PDXDC1: variants seen among roughly 807,000 people sequenced by gnomAD.
The protein encoded by PDXDC1 is pyridoxal dependent decarboxylase domain containing 1, also known as pyridoxal-dependent decarboxylase domain-containing protein 1.
PDXDC1 carries 42 observed loss-of-function variants against 100.1 expected under a neutral mutation model. That is an observed-to-expected ratio of 0.42 (90% CI 0.33 to 0.54). The LOEUF (loss-of-function observed/expected upper bound fraction) is 0.54. Among genes scored for constraint, PDXDC1 ranks in the 20% least tolerant of loss-of-function variants. The probability of loss-of-function intolerance (pLI) is 0.10; values close to 1 mark genes in which losing one functional copy is unlikely to be tolerated. For synonymous variants in PDXDC1, 260 were observed against 371.7 expected (o/e 0.70, Z 3.46); for missense variants, 636 against 979.2 (o/e 0.65, Z 4.68).
intron 1 of PDXDC1, among the ~76,000 whole-genome samples, chr16:14,991,354 G>C (rs1292328734): frequency 6.6e-6 from 1 of 152,138 alleles, no homozygotes; most frequent in African/African-American, 2.4e-5. Context: ...CTGGAGTGCA[G>C]TGGTGTGATC....
At chr16:15,062,695 A>G (rs1165509573) in intron 16 of PDXDC1, among the ~76,000 whole-genome samples, 3 of 152,254 alleles carry the variant, frequency 2.0e-5, no homozygotes, top group African/African-American at 4.8e-5. Flanking sequence ...CGCAAGTGGC[A>G]AAGATCTAAA....
intron 16 of PDXDC1, chr16:15,093,940 G>C (rs552666408): frequency 8.3e-6 from 5 of 598,956 alleles, no homozygotes; most frequent in African/African-American, 7.6e-5. Flanking sequence ...CCAGAACAGA[G>C]AACATAGTCA....
chr16:15,061,476 A>C, intron 16 of PDXDC1: 1 of 384,840 alleles, frequency 2.6e-6, no homozygotes. Context: ...TGTACATATT[A>C]AACAAGCAAA....
intron 8 of PDXDC1, among the ~76,000 whole-genome samples, chr16:15,011,074 G>T (rs1462190129): frequency 1.1e-4 from 16 of 152,282 alleles, no homozygotes; most frequent in Non-Finnish European, 2.2e-4. Context: ...AGAACTTGAT[G>T]AGCTAATTCT....
At chr16:15,076,540 C>A in intron 16 of PDXDC1, 1 of 1,531,658 alleles carries the variant, frequency 6.5e-7, no homozygotes, top group Non-Finnish European at 9.1e-7. Context: ...TCTCCACTTT[C>A]ATTAATAAAC....
At chr16:14,985,170 T>A (rs1163070849) in intron 1 of PDXDC1, among the ~76,000 whole-genome samples, 2 of 151,336 alleles carry the variant, frequency 1.3e-5, no homozygotes, top group East Asian at 4.0e-4. Flanking sequence ...AGCCACTGCC[T>A]AAGATGAAAA....
intron 1 of PDXDC1, chr16:14,996,418 ATATTATATG>A (rs56381611): frequency 0.11 from 38,902 of 370,166 alleles, 268 homozygotes; most frequent in Middle Eastern, 0.19. Context: ...CTTATATATG[ATATTATATG>A]TATTATATGT....
At chr16:14,988,156 C>CA (rs1969849562) in intron 1 of PDXDC1, 2 of 1,536,606 alleles carry the variant, frequency 1.3e-6, no homozygotes, top group Non-Finnish European at 1.8e-6. Flanking sequence ...CAACAAGGCA[C>CA]AAAGGGCGGG....
rs113437125 is a variant in PDXDC1 at position 15,086,016 on chromosome 16, T to C, written c.1400-52863T>C. 186 of 740,258 alleles carry C rather than the reference T, an allele frequency of 2.5e-4. 2 individuals are homozygous for C. In the African/African-American group the frequency reaches 3.0e-3, roughly 12 times the overall value. The allele number at this position is 740,258 out of a possible 1,614,324, so 45.9% of individuals were successfully genotyped here. A position where few individuals can be genotyped will look rare whatever the true frequency, so the allele number is the denominator to read the frequency against. On this transcript the variant is annotated intron_variant, in intron 16 of 16. Transcript: ENST00000535621. The stretch of plus-strand genomic sequence containing the variant: ...GGGAATATATGTCTACCAGACCTGG[T>C]GCCAATATGCATCTGGAATCTTCCA...
intron 8 of PDXDC1, among the ~76,000 whole-genome samples, chr16:15,012,853 A>G (rs1207917027): frequency 6.5e-4 from 1 of 1,542 alleles, no homozygotes; most frequent in African/African-American, 8.7e-4. Flanking sequence ...TCCTTTCTTA[A>G]AAAAAAAAAA....
chr16:15,005,107 C>A (rs1973971094), intron 5 of PDXDC1, among the ~76,000 whole-genome samples: 1 of 152,192 alleles, frequency 6.6e-6, no homozygotes, highest in African/African-American at 2.4e-5. Context: ...GCCTGTAATC[C>A]CAGCACTTTG....
chr16:14,977,841 C>T (rs60683883), intron 1 of PDXDC1, among the ~76,000 whole-genome samples: 34,109 of 145,716 alleles, frequency 0.23, 1,851 homozygotes, highest in East Asian at 0.45. Flanking sequence ...TAAATGATCC[C>T]ATTTAAACTG....
downstream of PDXDC1, chr16:15,038,600 G>A: frequency 1.2e-6 from 2 of 1,601,710 alleles, no homozygotes; most frequent in Non-Finnish European, 1.7e-6. Flanking sequence ...TCATCTTGGT[G>A]CAACCAGAAA....
downstream of PDXDC1, chr16:15,040,335 C>T (rs1237865309): frequency 2.6e-6 from 1 of 390,848 alleles, no homozygotes; most frequent in African/African-American, 2.1e-5. Flanking sequence ...GCCATTCCTT[C>T]AGTCGGACAT....
chr16:15,128,919 C>A (rs1429898415), intron 16 of PDXDC1, among the ~76,000 whole-genome samples: 1 of 149,644 alleles, frequency 6.7e-6, no homozygotes, highest in African/African-American at 2.5e-5. Context: ...CATTCTCCTG[C>A]CTCAGTCTCC....
intron 18 of PDXDC1, 45 bp downstream of exon 18, chr16:15,033,024 C>G (rs756381867): frequency 8.1e-7 from 1 of 1,229,426 alleles, no homozygotes; most frequent in South Asian, 1.2e-5. Context: ...TGGAAGGACA[C>G]TTGGTAACCG....
Position 15,075,905 on chromosome 16 carries a change from G to T in PDXDC1, c.1399+45849G>T, listed in dbSNP as rs566768568. Among the ~76,000 whole-genome samples, 6 of 152,246 alleles carry T rather than the reference G, an allele frequency of 3.9e-5. No homozygotes were observed. The South Asian group carries it at 1.2e-3, about 32-fold the overall frequency. ...ACTTTCTCCAGAGCTGCCCTGAGCAGAAAGGAGCCAGGACCACCCTTGCAC... is the reference window on the plus strand; with the variant it reads ...ACTTTCTCCAGAGCTGCCCTGAGCATAAAGGAGCCAGGACCACCCTTGCAC... On this transcript the variant is annotated intron_variant, in intron 16 of 16. Transcript: ENST00000535621.
At chr16:15,095,042 T>G (rs1033911460) in intron 16 of PDXDC1, among the ~76,000 whole-genome samples, 1 of 151,954 alleles carries the variant, frequency 6.6e-6, no homozygotes, top group Admixed American at 6.6e-5. Context: ...TGCACTGTGT[T>G]GGCCAGGCTG....
At chr16:15,041,078 T>C (rs1284188820), downstream of PDXDC1, 1 of 1,599,284 alleles carries the variant, frequency 6.3e-7, no homozygotes, top group South Asian at 1.1e-5. Flanking sequence ...CAATGCCATA[T>C]ATTACTGGAA....
Sources: allele counts gnomAD v4.1 joint callset (sites outside exome capture counted in the v4.1 genomes callset), GRCh38; gene constraint gnomAD v4.1.1; transcripts MANE v1.5; gene names NCBI Gene and HGNC (gene_info 2026-07-23, HGNC 2026-07-21).